Variants in CLINT1 observed in about 807,000 individuals in gnomAD.
The protein encoded by CLINT1 is clathrin interactor 1.
CLINT1 carries 15 observed loss-of-function variants against 70.4 expected under a neutral mutation model. The observed-to-expected ratio is 0.21, with a 90% CI of 0.14 to 0.33. The LOEUF (loss-of-function observed/expected upper bound fraction) is 0.33, where lower values mean the gene tolerates loss of function less well. Among genes scored for constraint, CLINT1 ranks in the 10% least tolerant of loss-of-function variants. The probability of loss-of-function intolerance (pLI) is 1.00; values close to 1 mark genes in which losing one functional copy is unlikely to be tolerated. For missense variants in CLINT1, 615 were observed against 778.1 expected, an observed-to-expected ratio of 0.79 and a Z score of 2.49; for synonymous variants, 227 against 254.7, an observed-to-expected ratio of 0.89 and a Z score of 1.04.
In CLINT1 at chr5:157,787,881, G is replaced by T; in HGVS notation, c.1643C>A (p.Pro548His). The T allele has an allele frequency of 6.2e-7, 1 of 1,613,776 alleles. No individual in the cohort carries two copies. The highest frequency in any genetic ancestry group is 8.5e-7 in the Non-Finnish European group (1 of 1,179,794). The stretch of plus-strand genomic sequence containing the variant: ...CACATTGGGCATGCTCATAGGCATG[G>T]GTCCCCCTATCAAAGCATTAGTTTG... Reference protein sequence around the residue: ...RPQTNALIGGPMPMSMPNVMT... With the variant: ...RPQTNALIGGHMPMSMPNVMT... The change falls in exon 12 of 12, where the codon CCC becomes CAC. Residue 548 changes from proline to histidine, a missense_variant. Coordinates refer to ENST00000411809, the MANE Select transcript of CLINT1 (RefSeq NM_014666.4).
At chr5:157,846,967 A>G (rs988336696) in intron 1 of CLINT1, among the ~76,000 whole-genome samples, 1 of 152,226 alleles carries the variant, frequency 6.6e-6, no homozygotes, top group African/African-American at 2.4e-5. Flanking sequence ...ATTATTTCAC[A>G]TGGACAAGGA....
chr5:157,802,084 A>G (rs1762241525), intron 8 of CLINT1, among the ~76,000 whole-genome samples: 1 of 152,066 alleles, frequency 6.6e-6, no homozygotes, highest in African/African-American at 2.4e-5. Flanking sequence ...TAGTAGAGAC[A>G]GGGTTTCACC....
chr5:157,837,096 G>A (rs1327848559), intron 1 of CLINT1, among the ~76,000 whole-genome samples: 1 of 152,152 alleles, frequency 6.6e-6, no homozygotes, highest in African/African-American at 2.4e-5. Flanking sequence ...TATAATTTGA[G>A]TCTTCTTTAT....
chr5:157,826,183 T>C (rs1392260554), intron 1 of CLINT1, among the ~76,000 whole-genome samples: 1 of 152,134 alleles, frequency 6.6e-6, no homozygotes, highest in Non-Finnish European at 1.5e-5. Context: ...TGTGTGTATC[T>C]TCAAAATTAT....
intron 1 of CLINT1, among the ~76,000 whole-genome samples, chr5:157,821,441 G>T (rs1213556561): frequency 6.6e-6 from 1 of 152,046 alleles, no homozygotes; most frequent in Non-Finnish European, 1.5e-5. Context: ...AAATGCTGCT[G>T]TTTCACAAGA....
chr5:157,830,757 C>CCCTCTCTCTCTCTCT (rs1763202161), intron 1 of CLINT1, among the ~76,000 whole-genome samples: 3 of 87,412 alleles, frequency 3.4e-5, no homozygotes, highest in African/African-American at 9.5e-5. Context: ...CCTCTCTCTC[C>CCCTCTCTCTCTCTCT]CTCTCTCTCT....
At chr5:157,829,154 T>G (rs1271932888) in intron 1 of CLINT1, among the ~76,000 whole-genome samples, 2 of 151,674 alleles carry the variant, frequency 1.3e-5, no homozygotes, top group African/African-American at 4.8e-5. Flanking sequence ...AAAAGACAGC[T>G]TTGGGTGGAG....
chr5:157,814,906 G>A (rs569597180), intron 3 of CLINT1, among the ~76,000 whole-genome samples: 100 of 151,678 alleles, frequency 6.6e-4, no homozygotes, highest in South Asian at 2.3e-3. Context: ...GGTGGCCCAC[G>A]CCTGTAATCT....
At chr5:157,788,870 A>G (rs1761807411) in intron 11 of CLINT1, among the ~76,000 whole-genome samples, 1 of 148,598 alleles carries the variant, frequency 6.7e-6, no homozygotes. Flanking sequence ...CGGAAGGCTG[A>G]GGCAAGGAAT....
chr5:157,851,238 G>T (rs1753562757), intron 1 of CLINT1, among the ~76,000 whole-genome samples: 2 of 152,128 alleles, frequency 1.3e-5, no homozygotes, highest in African/African-American at 4.8e-5. Context: ...ATTCTTGAAT[G>T]AAACATTTCA....
chr5:157,791,477 C>T (rs568251505), intron 10 of CLINT1: 2 of 522,174 alleles, frequency 3.8e-6, no homozygotes, highest in Middle Eastern at 5.1e-4. Flanking sequence ...ACAGTGACTA[C>T]AAGATGGGGG....
At chr5:157,809,496 T>C (rs1461834136) in intron 6 of CLINT1, 132 bp downstream of exon 6, 3 of 601,660 alleles carry the variant, frequency 5.0e-6, no homozygotes, top group African/African-American at 2.8e-5. Flanking sequence ...ATGAAGTCTA[T>C]TAAAAAAAAA....
At chr5:157,797,187 G>T (rs1762093982) in intron 8 of CLINT1, among the ~76,000 whole-genome samples, 1 of 152,124 alleles carries the variant, frequency 6.6e-6, no homozygotes, top group African/African-American at 2.4e-5. Context: ...TCGTAAGTTT[G>T]TTTTCTGTAA....
In CLINT1 at chr5:157,806,143, T is replaced by G. The variant is rs957935172; in HGVS notation, c.696-31A>C. ...AGATATTAAAAATGAAGCAAAATAA[T>G]AAGACGGGATTATTTTAAAATGGGT... is the stretch of plus-strand genomic sequence containing the variant. On this transcript the variant is annotated intron_variant, in intron 6 of 11. Coordinates refer to ENST00000411809, the MANE Select transcript of CLINT1 (RefSeq NM_014666.4). The G allele has an allele frequency of 6.2e-6, 10 of 1,604,960 alleles. No homozygotes were observed. The African/African-American group carries it at 1.2e-4, about 19-fold the overall frequency.
intron 10 of CLINT1, 108 bp from the exon 11 acceptor site, chr5:157,789,621 C>G: frequency 7.0e-7 from 1 of 1,429,452 alleles, no homozygotes; most frequent in African/African-American, 1.4e-5. Context: ...TAAAAATTAT[C>G]AGATGGCAAT....
chr5:157,827,460 T>C (rs1005069252), intron 1 of CLINT1, among the ~76,000 whole-genome samples: 1 of 152,080 alleles, frequency 6.6e-6, no homozygotes, highest in South Asian at 2.1e-4. Flanking sequence ...ACAAAAAAAA[T>C]ATTTAAACCA....
At chr5:157,853,390 A>G (rs1304746095) in intron 1 of CLINT1, among the ~76,000 whole-genome samples, 1 of 152,086 alleles carries the variant, frequency 6.6e-6, no homozygotes, top group Admixed American at 6.5e-5. Flanking sequence ...TCAACTGTAG[A>G]GCCATATTGT....
At chr5:157,849,161 C>T (rs1753487521) in intron 1 of CLINT1, among the ~76,000 whole-genome samples, 1 of 150,230 alleles carries the variant, frequency 6.7e-6, no homozygotes, top group Non-Finnish European at 1.5e-5. Flanking sequence ...TTGCATGCTA[C>T]AGAGAAATCA....
chr5:157,788,052 A>T (rs1167617993), intron 11 of CLINT1, 60 bp from the exon 12 acceptor site: 2 of 1,278,942 alleles, frequency 1.6e-6, no homozygotes, highest in Non-Finnish European at 2.2e-6. Context: ...TTCATAGAAC[A>T]GAGAACTAAT....
Sources: allele counts gnomAD v4.1 joint callset (sites outside exome capture counted in the v4.1 genomes callset), GRCh38; gene constraint gnomAD v4.1.1; transcripts MANE v1.5; gene names NCBI Gene and HGNC (gene_info 2026-07-23, HGNC 2026-07-21).